The following HIPK2 variants were observed in gnomAD, a reference collection of about 807,000 sequenced individuals.
HIPK2 encodes the protein homeodomain-interacting protein kinase 2.
A neutral mutation model predicts 113.7 loss-of-function variants in HIPK2; 27 were observed. The observed-to-expected ratio is 0.24, with a 90% CI of 0.17 to 0.33. HIPK2 has a LOEUF of 0.33. HIPK2 is among the 10% of genes least tolerant of loss of function. The pLI is 1.00. For missense variants in HIPK2, 1,257 were observed against 1,588.0 expected (o/e 0.79, Z 3.54); for synonymous variants, 631 against 642.2 (o/e 0.98, Z 0.26).
intron 2 of HIPK2, among the ~76,000 whole-genome samples, chr7:139,642,752 T>C (rs1262242726): frequency 6.6e-6 from 1 of 151,396 alleles, no homozygotes; most frequent in Admixed American, 6.6e-5. Context: ...GAGATGAAGC[T>C]CTAGGAGCAA....
intron 1 of HIPK2, among the ~76,000 whole-genome samples, chr7:139,758,480 C>T (rs946318269): frequency 6.6e-6 from 1 of 152,136 alleles, no homozygotes; most frequent in African/African-American, 2.4e-5. Flanking sequence ...CAACCACTCC[C>T]CACCCCGCCC....
chr7:139,573,254 G>C lies in HIPK2; in HGVS notation c.3270C>G (p.Ala1090=). 1.9e-6 allele frequency: 3 copies of C among 1,604,548 alleles called. No individual in the cohort carries two copies. Among genetic ancestry groups the C allele is most frequent in the Non-Finnish European group, 1.7e-6 (2 of 1,179,682 alleles). Residue 1090 remains alanine (A), a synonymous_variant, in exon 15 of 15, where the codon GCC becomes GCG. Transcript: ENST00000406875. The part of the protein sequence containing the change: ...HGTVHPHLAA[A]AAAAHLPTQP... The stretch of plus-strand genomic sequence containing the variant: ...GGGTGGGGAGGTGGGCAGCGGCAGC[G>C]GCTGCAGCCAGATGCGGGTGCACAG...
At chr7:139,574,831 C>T (rs755228819) in intron 14 of HIPK2, among the ~76,000 whole-genome samples, 1 of 152,268 alleles carries the variant, frequency 6.6e-6, no homozygotes, top group Non-Finnish European at 1.5e-5. Context: ...GTTGAAACAG[C>T]AGTATGTGGG....
chr7:139,669,611 C>T (rs1445795716), intron 2 of HIPK2, among the ~76,000 whole-genome samples: 1 of 126,986 alleles, frequency 7.9e-6, no homozygotes, highest in Admixed American at 1.0e-4. Context: ...CCAGGTCTCA[C>T]TGAACTGTTT....
Position 139,777,655 on chromosome 7 carries a change from G to A in HIPK2, c.-32C>T, listed in dbSNP as rs2117200775. ...CGGGGTGTCCGCGGTTCATGGCAAC[G>A]GGGACGGGAAAGCGGCGCGCGAGCT... is the stretch of plus-strand genomic sequence containing the variant. On this transcript the variant is annotated 5_prime_UTR_variant, in exon 1 of 15. Coordinates refer to ENST00000406875, the MANE Select transcript of HIPK2 (RefSeq NM_022740.5). 2 of 1,099,678 alleles carry A rather than the reference G, an allele frequency of 1.8e-6. No individual in the cohort carries two copies. The highest frequency in any genetic ancestry group is 4.7e-5 in the East Asian group (1 of 21,246). The allele number at this position is 1,099,678 out of a possible 1,614,324, so 68.1% of individuals were successfully genotyped here.
chr7:139,707,175 G>C (rs772954339), intron 2 of HIPK2, among the ~76,000 whole-genome samples: 6 of 152,216 alleles, frequency 3.9e-5, no homozygotes, highest in Non-Finnish European at 8.8e-5. Context: ...TCACTCTCCC[G>C]ATTCCCTTAG....
intron 1 of HIPK2, among the ~76,000 whole-genome samples, chr7:139,751,557 G>T (rs28538359): frequency 1.9e-3 from 230 of 123,832 alleles, no homozygotes; most frequent in African/African-American, 6.8e-3. Flanking sequence ...GAGGGAGGGA[G>T]GGAGGGATGG....
At chr7:139,640,772 C>A (rs1255190165) in intron 2 of HIPK2, among the ~76,000 whole-genome samples, 1 of 152,090 alleles carries the variant, frequency 6.6e-6, no homozygotes, top group African/African-American at 2.4e-5. Flanking sequence ...TCCTCAGCCT[C>A]CTGAGTAGCT....
At chr7:139,751,590 AGATGGATGGATGGATG>A (rs36202472) in intron 1 of HIPK2, among the ~76,000 whole-genome samples, 6 of 145,986 alleles carry the variant, frequency 4.1e-5, no homozygotes, top group South Asian at 2.2e-4. Context: ...TTGGATGGAT[AGATGGATGGATGGATG>A]GATGGATGGA....
chr7:139,702,647 G>A (rs1794744721), intron 2 of HIPK2, among the ~76,000 whole-genome samples: 1 of 152,176 alleles, frequency 6.6e-6, no homozygotes, highest in African/African-American at 2.4e-5. Context: ...CGATTACAGG[G>A]AAAACCATGA....
intron 7 of HIPK2, among the ~76,000 whole-genome samples, chr7:139,618,755 T>C (rs1800141751): frequency 6.6e-6 from 1 of 152,148 alleles, no homozygotes; most frequent in Non-Finnish European, 1.5e-5. Flanking sequence ...CCACTTGACA[T>C]GACGCCTGCA....
At chr7:139,736,959 G>A (rs1178792011) in intron 1 of HIPK2, among the ~76,000 whole-genome samples, 1 of 152,164 alleles carries the variant, frequency 6.6e-6, no homozygotes, top group Non-Finnish European at 1.5e-5. Flanking sequence ...TTCTCAAAAG[G>A]TGGTCAAGGG....
At chr7:139,752,200 A>C (rs1796289494) in intron 1 of HIPK2, among the ~76,000 whole-genome samples, 1 of 152,088 alleles carries the variant, frequency 6.6e-6, no homozygotes, top group Non-Finnish European at 1.5e-5. Context: ...ATGGTCTCCA[A>C]CCTCCTCAGC....
intron 1 of HIPK2, among the ~76,000 whole-genome samples, chr7:139,738,548 C>T (rs554414651): frequency 1.3e-5 from 2 of 152,326 alleles, no homozygotes; most frequent in East Asian, 3.9e-4. Context: ...GTAACTTACC[C>T]TCGAGTCATA....
At chr7:139,747,025 G>A (rs1052383342) in intron 1 of HIPK2, among the ~76,000 whole-genome samples, 4 of 152,188 alleles carry the variant, frequency 2.6e-5, no homozygotes, top group Non-Finnish European at 5.9e-5. Flanking sequence ...AGCCAAAGCC[G>A]CTGGTGATAC....
intron 1 of HIPK2, among the ~76,000 whole-genome samples, chr7:139,760,399 G>A (rs529307121): frequency 1.3e-5 from 2 of 152,250 alleles, no homozygotes; most frequent in East Asian, 1.9e-4. Flanking sequence ...GAAACTGAAT[G>A]ATATGAGCCT....
intron 2 of HIPK2, among the ~76,000 whole-genome samples, chr7:139,701,871 G>A (rs1794718856): frequency 6.6e-6 from 1 of 152,184 alleles, no homozygotes; most frequent in Non-Finnish European, 1.5e-5. Flanking sequence ...TTATGCCAAA[G>A]GCACCGTGCA....
intron 2 of HIPK2, among the ~76,000 whole-genome samples, chr7:139,675,976 T>C (rs1802482114): frequency 6.6e-6 from 1 of 152,210 alleles, no homozygotes; most frequent in Admixed American, 6.5e-5. Flanking sequence ...TCAACTTTCC[T>C]AAACCTTACA....
intron 2 of HIPK2, among the ~76,000 whole-genome samples, chr7:139,688,006 C>T (rs375935672): frequency 1.6e-4 from 24 of 152,334 alleles, no homozygotes; most frequent in African/African-American, 5.8e-4. Context: ...CAGGGATAAG[C>T]TCACCCTTGT....
Sources: allele counts gnomAD v4.1 joint callset (sites outside exome capture counted in the v4.1 genomes callset), GRCh38; gene constraint gnomAD v4.1.1; transcripts MANE v1.5; gene names NCBI Gene and HGNC (gene_info 2026-07-23, HGNC 2026-07-21).